FSTL5: variants seen among roughly 807,000 people sequenced by gnomAD.
The protein encoded by FSTL5 is follistatin-related protein 5.
FSTL5 carries 62 observed loss-of-function variants against 89.1 expected under a neutral mutation model. The ratio of observed to expected loss-of-function variants is 0.70; its 90% confidence interval spans 0.57 to 0.86. FSTL5 has a LOEUF of 0.86. Ranked by LOEUF, FSTL5 falls within the 40% of genes least tolerant of loss-of-function variation. The pLI is 0.00. For synonymous variants in FSTL5, 383 were observed against 346.2 expected, an observed-to-expected ratio of 1.11 and a Z score of -1.18; for missense variants, 1,057 against 1,001.6, an observed-to-expected ratio of 1.06 and a Z score of -0.75.
rs2023340 is a variant in FSTL5 at position 161,992,863 on chromosome 4, T to A, written c.160+40762A>T. Among the ~76,000 whole-genome samples the A allele has an allele frequency of 0.015, 1,027 of 70,284 alleles. 62 individuals are homozygous for A. In the East Asian group the frequency reaches 0.17, roughly 12 times the overall value. 46.1% of individuals were successfully genotyped at this position (70,284 alleles called of 152,430 possible). On this transcript the variant is annotated intron_variant, in intron 3 of 15. Coordinates refer to ENST00000306100, the MANE Select transcript of FSTL5 (RefSeq NM_020116.5). ...ACTCCATCTCAAAAAAAAAAAAAAA[T>A]ATATATATATATATATATATATATA...
chr4:161,522,505 C>G (rs557926898), intron 10 of FSTL5, among the ~76,000 whole-genome samples: 102 of 151,688 alleles, frequency 6.7e-4, no homozygotes, highest in African/African-American at 2.4e-3. Context: ...TACTAATATA[C>G]ATTTTACTAA....
chr4:161,468,512 A>G (rs1354714972), intron 13 of FSTL5, among the ~76,000 whole-genome samples: 1 of 152,148 alleles, frequency 6.6e-6, no homozygotes, highest in African/African-American at 2.4e-5. Flanking sequence ...AGGTTAGTTG[A>G]GAATGTACTG....
intron 13 of FSTL5, among the ~76,000 whole-genome samples, chr4:161,472,274 G>T (rs541159957): frequency 6.6e-6 from 1 of 152,198 alleles, no homozygotes; most frequent in Non-Finnish European, 1.5e-5. Context: ...ACCGCACCTG[G>T]CCATTTTCTT....
chr4:162,105,046 C>T (rs1055547652), intron 2 of FSTL5, among the ~76,000 whole-genome samples: 1 of 152,252 alleles, frequency 6.6e-6, no homozygotes, highest in African/African-American at 2.4e-5. Context: ...TCTAATAAAA[C>T]GAGTTGCTTT....
rs74286426 is a variant in FSTL5, at chr4:161,985,630, C to T, written c.160+47995G>A. The stretch of plus-strand genomic sequence containing the variant: ...AAATATCCATGCACTTATATGAATA[C>T]TTATACTTTAATATACTTTGTATAT... On this transcript the variant is annotated intron_variant, in intron 3 of 15. Coordinates refer to ENST00000306100, the MANE Select transcript of FSTL5 (RefSeq NM_020116.5). 4.6e-3 allele frequency among the ~76,000 whole-genome samples: 691 copies of T among 151,830 alleles called. 36 individuals carry two copies. The East Asian group carries it at 0.12, about 26-fold the overall frequency.
At chr4:162,014,050 T>C (rs1198088749) in intron 3 of FSTL5, among the ~76,000 whole-genome samples, 1 of 152,244 alleles carries the variant, frequency 6.6e-6, no homozygotes, top group Non-Finnish European at 1.5e-5. Context: ...CCTGGAGGTC[T>C]GGGTTGTGCT....
At chr4:161,833,721 T>C (rs1730930059) in intron 4 of FSTL5, among the ~76,000 whole-genome samples, 1 of 152,008 alleles carries the variant, frequency 6.6e-6, no homozygotes, top group East Asian at 1.9e-4. Flanking sequence ...TTTTTTTGCT[T>C]TCCATTTGCT....
chr4:161,520,796 C>T (rs1048696708), intron 10 of FSTL5, among the ~76,000 whole-genome samples: 2 of 152,116 alleles, frequency 1.3e-5, no homozygotes, highest in Non-Finnish European at 2.9e-5. Context: ...CTTTCATAAA[C>T]AATCAAACTT....
In FSTL5 at chr4:161,542,683, G is replaced by T; in HGVS notation, c.1026C>A (p.Val342=). 4 of 1,466,520 alleles carry T rather than the reference G, an allele frequency of 2.7e-6. No individual in the cohort carries two copies. Among genetic ancestry groups the T allele is most frequent in the Non-Finnish European group, 2.7e-6 (3 of 1,103,604 alleles). 90.8% of individuals were successfully genotyped at this position (1,466,520 alleles called of 1,614,324 possible). A position where few individuals can be genotyped will look rare whatever the true frequency, so the allele number is the denominator to read the frequency against. The change falls in exon 9 of 16, where the codon GTC becomes GTA. Residue 342 remains valine (V), a synonymous_variant. Coordinates refer to ENST00000306100, the MANE Select transcript of FSTL5 (RefSeq NM_020116.5). ...THIFQVNVPP[V]IRVYPESQAR... ...CCTGACTCTCTGGATACACCCGGAT[G>T]ACTGGAGGAACTAAAGGAAAAAATG... is the stretch of plus-strand genomic sequence containing the variant.
chr4:161,664,147 C>G (rs1270023772), intron 6 of FSTL5, among the ~76,000 whole-genome samples: 1 of 152,174 alleles, frequency 6.6e-6, no homozygotes, highest in South Asian at 2.1e-4. Context: ...GTCTCTGACA[C>G]GGCCTGAAGA....
intron 15 of FSTL5, among the ~76,000 whole-genome samples, chr4:161,407,158 G>A (rs962265066): frequency 6.6e-6 from 1 of 152,114 alleles, no homozygotes; most frequent in African/African-American, 2.4e-5. Flanking sequence ...ATGTATTATT[G>A]TCACGAATTG....
rs530991368 is a variant in FSTL5 at position 161,750,826 on chromosome 4, T to C, written c.727+8585A>G. On this transcript the variant is annotated intron_variant, in intron 6 of 15. Transcript: ENST00000306100. ...TAATCAGTGGAAAGAAATTTTAGGT[T>C]AGATGCACTAAGCTATGACTGACAA... 1.3e-4 allele frequency among the ~76,000 whole-genome samples: 20 copies of C among 152,256 alleles called. No homozygotes were observed. In the Middle Eastern group the frequency reaches 0.01, roughly 78 times the overall value.
intron 5 of FSTL5, among the ~76,000 whole-genome samples, chr4:161,765,162 C>T (rs1221836077): frequency 6.6e-6 from 1 of 152,276 alleles, no homozygotes; most frequent in Middle Eastern, 3.4e-3. Context: ...TTTTGTATTA[C>T]TGATGGAATT....
intron 15 of FSTL5, among the ~76,000 whole-genome samples, chr4:161,430,204 G>GA (rs145619491): frequency 0.094 from 13,893 of 147,970 alleles, 680 homozygotes; most frequent in Middle Eastern, 0.12. Flanking sequence ...GGAGCAAAAA[G>GA]AAAAAAAAAT....
Position 161,982,898 on chromosome 4 carries a change from T to C in FSTL5, c.160+50727A>G, listed in dbSNP as rs182303324. ...AGTTATATCATGACACTTGATACAA[T>C]TGAACTTAATGACCATCAAAATATA... is the stretch of plus-strand genomic sequence containing the variant. On this transcript the variant is annotated intron_variant, in intron 3 of 15. Coordinates refer to ENST00000306100, the MANE Select transcript of FSTL5 (RefSeq NM_020116.5). Among the ~76,000 whole-genome samples, 355 of 152,298 alleles carry C rather than the reference T, an allele frequency of 2.3e-3. 2 individuals carry two copies. Among genetic ancestry groups the C allele is most frequent in the African/African-American group, 8.0e-3 (332 of 41,574 alleles).
chr4:161,999,810 G>A (rs573803286), intron 3 of FSTL5, among the ~76,000 whole-genome samples: 31 of 152,192 alleles, frequency 2.0e-4, no homozygotes, highest in Non-Finnish European at 1.9e-4. Flanking sequence ...CACACTCCCC[G>A]CCATGCTTCC....
At chr4:161,522,162 G>T (rs1731058807) in intron 10 of FSTL5, among the ~76,000 whole-genome samples, 1 of 152,102 alleles carries the variant, frequency 6.6e-6, no homozygotes, top group Non-Finnish European at 1.5e-5. Flanking sequence ...TGAAACAAGG[G>T]CAGAACAAAC....
Position 161,759,442 on chromosome 4 carries a change from G to T in FSTL5, c.696C>A (p.His232Gln), listed in dbSNP as rs1200252237. The T allele has an allele frequency of 5.0e-6, 8 of 1,594,164 alleles. No individual in the cohort carries two copies. Among genetic ancestry groups the T allele is most frequent in the Non-Finnish European group, 6.8e-6 (8 of 1,171,568 alleles). Residue 232 changes from histidine (H) to glutamine (Q), a missense_variant, in exon 6 of 16, where the codon CAC (histidine) becomes CAA (glutamine). This residue lies in a region of FSTL5 where 980 missense variants were observed against 903.2 expected (regional missense o/e 1.08). Transcript: ENST00000306100. ...CTCTATAAAATTCTTCAAGAGCCAG[G>T]TGCTTGTCAGCATTAAAATCATCAT... is the stretch of plus-strand genomic sequence containing the variant. The part of the protein sequence containing the change: ...LKYDDFNADK[H>Q]LALEEFYRAF...
chr4:161,677,927 G>T lies in FSTL5; in HGVS notation c.728-21433C>A, dbSNP rs183293748. ...TTTGCCGTTCCACAATGTATACATA[G>T]TCTAAATATTATGCCACACACCATA... On this transcript the variant is annotated intron_variant, in intron 6 of 15. Transcript: ENST00000306100. Among the ~76,000 whole-genome samples, 15 of 151,596 alleles carry T rather than the reference G, an allele frequency of 9.9e-5. No individual in the cohort carries two copies. The East Asian group carries it at 2.1e-3, about 22-fold the overall frequency.
Sources: gnomAD v4.1 joint callset for allele counts (sites outside exome capture counted in the v4.1 genomes callset) on GRCh38, gnomAD v4.1.1 for gene constraint, gnomAD v4.1.1 regional missense constraint, MANE v1.5 for transcripts, NCBI Gene and HGNC (gene_info 2026-07-23, HGNC 2026-07-21) for gene names.